The following GTSE1 variants were observed in gnomAD, a reference collection of about 807,000 sequenced individuals.
GTSE1 encodes G2 and S-phase expressed 1.
In GTSE1, 52 loss-of-function variants were observed where a neutral mutation model predicts 60.5. That is an observed-to-expected ratio of 0.86 (90% CI 0.69 to 1.08). GTSE1 has a LOEUF of 1.08. Ranked by LOEUF, GTSE1 falls within the 50% of genes least tolerant of loss-of-function variation. The pLI is 0.00. For synonymous variants in GTSE1, 368 were observed against 386.5 expected (o/e 0.95, Z 0.56); for missense variants, 937 against 961.8 (o/e 0.97, Z 0.34).
chr22:46,301,067 T>G (rs2077686791), intron 2 of GTSE1, among the ~76,000 whole-genome samples: 1 of 152,212 alleles, frequency 6.6e-6, no homozygotes, highest in Non-Finnish European at 1.5e-5. Context: ...ATATTGTGTA[T>G]CAACACATGA....
Position 46,314,541 on chromosome 22 carries a change from G to A in GTSE1, c.1051+528G>A, listed in dbSNP as rs367716009. On this transcript the variant is annotated intron_variant, in intron 6 of 11. Transcript: ENST00000454366. This position sits in a 1 kb window ranked among gnomAD's most constrained non-coding sequence, Gnocchi z 7.1. ...AGGTGCATTGGCCATGTGGCGTCTCGGGGTCGTTCAGGGCAGCATGGTGTG... is the reference window on the plus strand; with the variant it reads ...AGGTGCATTGGCCATGTGGCGTCTCAGGGTCGTTCAGGGCAGCATGGTGTG... 7.9e-5 allele frequency among the ~76,000 whole-genome samples: 12 copies of A among 152,094 alleles called. No homozygotes were observed. Among genetic ancestry groups the A allele is most frequent in the South Asian group, 4.2e-4 (2 of 4,816 alleles).
intron 2 of GTSE1, among the ~76,000 whole-genome samples, chr22:46,303,891 G>T (rs953943731): frequency 6.6e-6 from 1 of 152,182 alleles, no homozygotes. Flanking sequence ...GAGACGAGCG[G>T]TGTTCCTGAT....
Position 46,312,443 on chromosome 22 carries a change from C to A in GTSE1, c.927+138C>A, listed in dbSNP as rs1171542224. On this transcript the variant is annotated intron_variant, in intron 5 of 11. Coordinates refer to ENST00000454366, the MANE Select transcript of GTSE1 (RefSeq NM_016426.7). ...TCACTTGAGCCCAGGAGTTCAAGAC[C>A]AGCCTGAGCAACATGATGAAACCCA... is the stretch of plus-strand genomic sequence containing the variant. 6 of 758,338 alleles carry A rather than the reference C, an allele frequency of 7.9e-6. No individual in the cohort carries two copies. The Admixed American group carries it at 1.8e-4, about 23-fold the overall frequency. The allele number at this position is 758,338 out of a possible 1,614,324, so 47.0% of individuals were successfully genotyped here. A position where few individuals can be genotyped will look rare whatever the true frequency, so the allele number is the denominator to read the frequency against.
At chr22:46,300,498 TTG>T (rs1327220795) in intron 2 of GTSE1, among the ~76,000 whole-genome samples, 1 of 152,208 alleles carries the variant, frequency 6.6e-6, no homozygotes, top group Admixed American at 6.5e-5. Flanking sequence ...CTGACCCAAC[TTG>T]TGTTTTCACC....
chr22:46,297,346 C>T lies in GTSE1; in HGVS notation c.-21-34C>T, dbSNP rs2077662850. 8.4e-7 allele frequency: 1 copy of T among 1,194,316 alleles called. No individual in the cohort carries two copies. The highest frequency in any genetic ancestry group is 1.3e-6 in the Non-Finnish European group (1 of 797,908). The allele number at this position is 1,194,316 out of a possible 1,614,324, so 74.0% of individuals were successfully genotyped here. A position where few individuals can be genotyped will look rare whatever the true frequency, so the allele number is the denominator to read the frequency against. ...GAAGCCGGAGCCCTGGGCCCTGACA[C>T]GTACTCACTTTCTGGCCCCGTTCCA... On this transcript the variant is annotated intron_variant, in intron 1 of 11. Coordinates refer to ENST00000454366, the MANE Select transcript of GTSE1 (RefSeq NM_016426.7). This position sits in a 1 kb window ranked among gnomAD's most constrained non-coding sequence, Gnocchi z 4.9.
In GTSE1 at chr22:46,324,710, C is replaced by A. The variant is rs2077834199; in HGVS notation, c.1505+1448C>A. On this transcript the variant is annotated intron_variant, in intron 8 of 11. Transcript: ENST00000454366. This position sits in a 1 kb window ranked among gnomAD's most constrained non-coding sequence, Gnocchi z 5.2. ...GGAATTTGTGGTGGGGCTGCCAGAA[C>A]TTAGCAATAAAGGGAGGAGGGTGGG... is the stretch of plus-strand genomic sequence containing the variant. Among the ~76,000 whole-genome samples the A allele has an allele frequency of 1.3e-5, 2 of 152,154 alleles. No individual in the cohort carries two copies.
rs2077735571 is a variant in GTSE1 at position 46,309,362 on chromosome 22, CA to C, written c.762+420del. Reference sequence around the variant, plus strand: ...AGCTTTCCTGGGAGGTGGCAGTTGACAGGGGTGCCTTTGGGTGCAGTCTGCC... The same window carrying C: ...AGCTTTCCTGGGAGGTGGCAGTTGACGGGGTGCCTTTGGGTGCAGTCTGCC... On this transcript the variant is annotated intron_variant, in intron 4 of 11. Transcript: ENST00000454366. The surrounding 1 kb of genome is among the most constrained non-coding windows in gnomAD (Gnocchi z 6.2). Among the ~76,000 whole-genome samples, 2 of 152,150 alleles carry C rather than the reference CA, an allele frequency of 1.3e-5. No homozygotes were observed. The highest frequency in any genetic ancestry group is 6.5e-5 in the Admixed American group (1 of 15,280).
At chr22:46,311,756 T>C (rs1026913738) in intron 4 of GTSE1, among the ~76,000 whole-genome samples, 4 of 152,242 alleles carry the variant, frequency 2.6e-5, no homozygotes, top group Non-Finnish European at 5.9e-5. Flanking sequence ...GCTTCTCTGG[T>C]AGAGATGACC....
chr22:46,327,064 G>C, intron 9 of GTSE1: 1 of 173,776 alleles, frequency 5.8e-6, no homozygotes, highest in Non-Finnish European at 1.2e-5. Flanking sequence ...TAAGCTAGGT[G>C]TGGTGGCGTG....
rs747548765 is a variant in GTSE1, at chr22:46,330,163, C to T, written c.*33C>T. 2 of 1,355,598 alleles carry T rather than the reference C, an allele frequency of 1.5e-6. No homozygotes were observed. The highest frequency in any genetic ancestry group is 2.1e-6 in the Non-Finnish European group (2 of 943,988). The allele number at this position is 1,355,598 out of a possible 1,614,324, so 84.0% of individuals were successfully genotyped here. On this transcript the variant is annotated 3_prime_UTR_variant, in exon 12 of 12. Transcript: ENST00000454366. This position sits in a 1 kb window ranked among gnomAD's most constrained non-coding sequence, Gnocchi z 6.0. Reference sequence around the variant, plus strand: ...CAAATCCTTTGCCTTGAAAGAACAGCCCTAAAGTGGTTTTCAACCCTCAGA... The same window carrying T: ...CAAATCCTTTGCCTTGAAAGAACAGTCCTAAAGTGGTTTTCAACCCTCAGA...
chr22:46,303,000 T>C (rs9626851), intron 2 of GTSE1, among the ~76,000 whole-genome samples: 5,436 of 150,392 alleles, frequency 0.036, 331 homozygotes, highest in African/African-American at 0.13. Context: ...CCCAGGTTCA[T>C]GCCATTCTTC....
intron 5 of GTSE1, among the ~76,000 whole-genome samples, chr22:46,312,596 G>A (rs1454131231): frequency 6.9e-6 from 1 of 145,252 alleles, no homozygotes; most frequent in Admixed American, 7.0e-5. Flanking sequence ...TCATAATCAC[G>A]CCACTGCACT....
At chr22:46,306,294 G>A (rs530391715) in intron 2 of GTSE1, among the ~76,000 whole-genome samples, 3 of 151,846 alleles carry the variant, frequency 2.0e-5, no homozygotes, top group Non-Finnish European at 2.9e-5. Context: ...CCATTCTCCT[G>A]CCTCAGCCTC....
intron 2 of GTSE1, among the ~76,000 whole-genome samples, chr22:46,306,205 A>G (rs2077714264): frequency 6.6e-6 from 1 of 152,106 alleles, no homozygotes; most frequent in Non-Finnish European, 1.5e-5. Flanking sequence ...TTTTTGAGAC[A>G]GAGTCTCACT....
Position 46,329,208 on chromosome 22 carries a change from C to T in GTSE1, c.1927-150C>T, listed in dbSNP as rs2077861834. 1 of 738,674 alleles carries T rather than the reference C, an allele frequency of 1.4e-6. No individual in the cohort carries two copies. Among genetic ancestry groups the T allele is most frequent in the African/African-American group, 1.7e-5 (1 of 58,200 alleles). The allele number at this position is 738,674 out of a possible 1,614,324, so 45.8% of individuals were successfully genotyped here. The stretch of plus-strand genomic sequence containing the variant: ...ACAGTCAGAGAGGCACGGCCCACCC[C>T]ATACAGAGCCTCCTTCCACCAAGGC... On this transcript the variant is annotated intron_variant, in intron 10 of 11. Coordinates refer to ENST00000454366, the MANE Select transcript of GTSE1 (RefSeq NM_016426.7). The surrounding 1 kb of genome is among the most constrained non-coding windows in gnomAD (Gnocchi z 6.4).
chr22:46,302,895 CTTTTT>C (rs34051708), intron 2 of GTSE1, among the ~76,000 whole-genome samples: 2 of 131,376 alleles, frequency 1.5e-5, no homozygotes, highest in African/African-American at 5.8e-5. Context: ...CACTTTCCCT[CTTTTT>C]TTTTTTTTTT....
rs2077782373 is a variant in GTSE1 at position 46,316,600 on chromosome 22, T to A, written c.1432+188T>A. 6.6e-6 allele frequency among the ~76,000 whole-genome samples: 1 copy of A among 152,228 alleles called. No individual in the cohort carries two copies. Among genetic ancestry groups the A allele is most frequent in the South Asian group, 2.1e-4 (1 of 4,832 alleles). The stretch of plus-strand genomic sequence containing the variant: ...GTCACTGGAGGCTCCCTGAATGTCT[T>A]ACGTTCGTTCCTGTGTGTGTGACAC... On this transcript the variant is annotated intron_variant, in intron 7 of 11. Transcript: ENST00000454366. This position sits in a 1 kb window ranked among gnomAD's most constrained non-coding sequence, Gnocchi z 5.0.
Position 46,319,086 on chromosome 22 carries a change from T to G in GTSE1, c.1432+2674T>G, listed in dbSNP as rs1428928310. On this transcript the variant is annotated intron_variant, in intron 7 of 11. Coordinates refer to ENST00000454366, the MANE Select transcript of GTSE1 (RefSeq NM_016426.7). The surrounding 1 kb of genome is among the most constrained non-coding windows in gnomAD (Gnocchi z 5.0). Reference sequence around the variant, plus strand: ...TCCGCACACAGCTGAAATTTCTTACTGAGAAGAGGAAAGTTGCTGTTGAAC... The same window carrying G: ...TCCGCACACAGCTGAAATTTCTTACGGAGAAGAGGAAAGTTGCTGTTGAAC... 6.6e-6 allele frequency among the ~76,000 whole-genome samples: 1 copy of G among 152,176 alleles called. No homozygotes were observed. Among genetic ancestry groups the G allele is most frequent in the African/African-American group, 2.4e-5 (1 of 41,424 alleles).
rs116137618 is a variant in GTSE1 at position 46,308,142 on chromosome 22, C to T, written c.80-8C>T. The T allele has an allele frequency of 1.3e-3, 2,096 of 1,595,788 alleles. 29 individuals are homozygous for T. In the African/African-American group the frequency reaches 0.025, roughly 19 times the overall value. ...GCACTAAAATAACAGTGGATTTTTT[C>T]CCTCTAGACATTCTTCTTTTGGCCG... On this transcript the variant is annotated splice_region_variant and splice_polypyrimidine_tract_variant and intron_variant, in intron 2 of 11. Transcript: ENST00000454366.
Sources: allele counts gnomAD v4.1 joint callset (sites outside exome capture counted in the v4.1 genomes callset), GRCh38; gene constraint gnomAD v4.1.1; non-coding constraint Gnocchi (gnomAD v3.1); transcripts MANE v1.5; gene names NCBI Gene and HGNC (gene_info 2026-07-23, HGNC 2026-07-21).